The following REDIC1 variants were observed in gnomAD, a reference collection of about 807,000 sequenced individuals.
REDIC1 encodes regulator of DNA class I crossover intermediates 1, also known as HEI10 Interacting Protein 1.
chr12:39,704,875 G>A, the REDIC1 span, among the ~76,000 whole-genome samples: 2 of 151,790 alleles, frequency 1.3e-5, no homozygotes, highest in Non-Finnish European at 2.9e-5. Context: ...TGAACAATGA[G>A]AACACATGGA....
At chr12:39,876,289 T>A in the REDIC1 span, among the ~76,000 whole-genome samples, 3 of 152,180 alleles carry the variant, frequency 2.0e-5, no homozygotes, top group African/African-American at 7.2e-5. Context: ...CATATAGGCT[T>A]TGGAAATGAC....
the REDIC1 span, among the ~76,000 whole-genome samples, chr12:39,750,167 A>C: frequency 0.98 from 149,185 of 152,288 alleles, 73,083 homozygotes; most frequent in East Asian, 1. Context: ...ATTTAGAAAA[A>C]CCCATTGTCT....
chr12:39,634,877 T>C, the REDIC1 span, among the ~76,000 whole-genome samples: 4 of 151,982 alleles, frequency 2.6e-5, no homozygotes, highest in Non-Finnish European at 5.9e-5. Flanking sequence ...AAATTTTTGC[T>C]ATCTACCCGT....
the REDIC1 span, among the ~76,000 whole-genome samples, chr12:39,724,975 T>C: frequency 6.6e-6 from 1 of 152,104 alleles, no homozygotes; most frequent in Non-Finnish European, 1.5e-5. Context: ...AGAATTTTTC[T>C]AGAATGGATC....
At chr12:39,710,691 C>A in the REDIC1 span, among the ~76,000 whole-genome samples, 1 of 151,676 alleles carries the variant, frequency 6.6e-6, no homozygotes, top group Non-Finnish European at 1.5e-5. Flanking sequence ...AAACCTCTTT[C>A]CCTGGGGTTC....
the REDIC1 span, among the ~76,000 whole-genome samples, chr12:39,697,597 A>G: frequency 6.6e-6 from 1 of 152,186 alleles, no homozygotes; most frequent in East Asian, 1.9e-4. Flanking sequence ...AACAACAGAG[A>G]GTTAAAAAGC....
At chr12:39,714,204 T>TGC in the REDIC1 span, among the ~76,000 whole-genome samples, 198 of 19,160 alleles carry the variant, frequency 0.01, 21 homozygotes, top group Non-Finnish European at 0.029. Context: ...TATATGTATA[T>TGC]ACATGCATAT....
chr12:39,636,241 A>G, the REDIC1 span, among the ~76,000 whole-genome samples: 1 of 152,130 alleles, frequency 6.6e-6, no homozygotes, highest in Non-Finnish European at 1.5e-5. Context: ...GTCTCCGAGA[A>G]CTTATTTTAA....
chr12:39,647,849 T>G, the REDIC1 span: 1 of 1,608,140 alleles, frequency 6.2e-7, no homozygotes, highest in Non-Finnish European at 8.5e-7. Flanking sequence ...AATAGAGAAC[T>G]GCAGTTTCAC....
chr12:39,896,192 ATGTG>A, the REDIC1 span, among the ~76,000 whole-genome samples: 2 of 147,646 alleles, frequency 1.4e-5, no homozygotes, highest in African/African-American at 2.5e-5. Context: ...ATATGTATAT[ATGTG>A]TATGTATACA....
At chr12:39,628,309 G>A in the REDIC1 span, among the ~76,000 whole-genome samples, 1 of 152,050 alleles carries the variant, frequency 6.6e-6, no homozygotes, top group African/African-American at 2.4e-5. Flanking sequence ...AAAAATGGGT[G>A]TCTCCATTTT....
At chr12:39,762,424 A>G in the REDIC1 span, among the ~76,000 whole-genome samples, 8 of 152,136 alleles carry the variant, frequency 5.3e-5, no homozygotes, top group African/African-American at 1.7e-4. Context: ...GACTACCTCA[A>G]GAGAGAAGCT....
the REDIC1 span, chr12:39,691,987 T>TAG: frequency 7.3e-7 from 1 of 1,376,328 alleles, no homozygotes; most frequent in Middle Eastern, 1.9e-4. Flanking sequence ...GTAAATAAGG[T>TAG]AGATATAAGT....
chr12:39,796,773 G>A, the REDIC1 span, among the ~76,000 whole-genome samples: 1 of 152,128 alleles, frequency 6.6e-6, no homozygotes, highest in Non-Finnish European at 1.5e-5. Context: ...CAATAAGAAT[G>A]TAGCATCATT....
chr12:39,734,920 T>A, the REDIC1 span, among the ~76,000 whole-genome samples: 1 of 152,246 alleles, frequency 6.6e-6, no homozygotes, highest in South Asian at 2.1e-4. Context: ...TATCTCAATT[T>A]GGAGAAGAAC....
At chr12:39,674,320 A>T in the REDIC1 span, among the ~76,000 whole-genome samples, 2 of 152,210 alleles carry the variant, frequency 1.3e-5, no homozygotes, top group Non-Finnish European at 2.9e-5. Flanking sequence ...CATCTCTTAG[A>T]GAGTGATTCC....
chr12:39,712,389 T>TACATACGTATATAC, the REDIC1 span, among the ~76,000 whole-genome samples: 705 of 133,490 alleles, frequency 5.3e-3, 16 homozygotes, highest in African/African-American at 0.018. Context: ...CCTATATATA[T>TACATACGTATATAC]ACCTGTATGT....
At chr12:39,712,540 G>A in the REDIC1 span, among the ~76,000 whole-genome samples, 10 of 140,048 alleles carry the variant, frequency 7.1e-5, no homozygotes, top group Non-Finnish European at 1.1e-4. Context: ...ACGAATATGC[G>A]TATATACACG....
chr12:39,638,292 C>T, the REDIC1 span, among the ~76,000 whole-genome samples: 4 of 151,904 alleles, frequency 2.6e-5, no homozygotes, highest in Non-Finnish European at 5.9e-5. Context: ...GGAGCTGCAG[C>T]AGGATTGAAT....
Sources: gnomAD v4.1 joint callset for allele counts (sites outside exome capture counted in the v4.1 genomes callset) on GRCh38, gnomAD v4.1.1 for gene constraint, MANE v1.5 for transcripts, NCBI Gene and HGNC (gene_info 2026-07-23, HGNC 2026-07-21) for gene names.